AFG3L2: variants seen among roughly 807,000 people sequenced by gnomAD.
The protein encoded by AFG3L2 is mitochondrial inner membrane m-AAA protease component AFG3L2.
In AFG3L2, 54 loss-of-function variants were observed where a neutral mutation model predicts 94.5. That is an observed-to-expected ratio of 0.57 (90% CI 0.46 to 0.72). AFG3L2 has a LOEUF of 0.72. Ranked by LOEUF, AFG3L2 falls within the 30% of genes least tolerant of loss-of-function variation. The pLI, the probability that AFG3L2 is intolerant of heterozygous loss-of-function variation, is 0.00. For missense variants in AFG3L2, 754 were observed against 994.9 expected, an observed-to-expected ratio of 0.76 and a Z score of 3.26; for synonymous variants, 377 against 365.5, an observed-to-expected ratio of 1.03 and a Z score of -0.36.
In AFG3L2 at chr18:12,377,178, C is replaced by G. The variant is rs12327346; in HGVS notation, c.-96G>C. On this transcript the variant is annotated 5_prime_UTR_variant, in exon 1 of 17. Transcript: ENST00000269143. Reference sequence around the variant, plus strand: ...GAAGCGGGCTCGGCTCGGGGAAAGGCCGCCAGGCAGCGAAGCGCGCCGGCG... The same window carrying G: ...GAAGCGGGCTCGGCTCGGGGAAAGGGCGCCAGGCAGCGAAGCGCGCCGGCG... 60,116 of 992,402 alleles carry G rather than the reference C, an allele frequency of 0.061. 5,337 individuals are homozygous for G. The highest frequency in any genetic ancestry group is 0.36 in the African/African-American group (20,662 of 57,374). The allele number at this position is 992,402 out of a possible 1,614,324, so 61.5% of individuals were successfully genotyped here. A position where few individuals can be genotyped will look rare whatever the true frequency, so the allele number is the denominator to read the frequency against.
intron 9 of AFG3L2, among the ~76,000 whole-genome samples, chr18:12,355,473 T>A (rs774016838): frequency 2.0e-5 from 3 of 152,128 alleles, no homozygotes; most frequent in Admixed American, 2.0e-4. Context: ...ACATTGCTGG[T>A]AGGGATGGAA....
chr18:12,331,531 A>G (rs1907523950), intron 16 of AFG3L2, among the ~76,000 whole-genome samples: 1 of 152,180 alleles, frequency 6.6e-6, no homozygotes. Context: ...GGCCACGCGC[A>G]ATGGCTCACG....
chr18:12,332,123 A>AT (rs10689491), intron 16 of AFG3L2, among the ~76,000 whole-genome samples: 75,471 of 131,650 alleles, frequency 0.57, 22,350 homozygotes, highest in African/African-American at 0.62. Flanking sequence ...TCATAAAATG[A>AT]TTTTTTTTTT....
chr18:12,335,013 G>A (rs1297734622), intron 16 of AFG3L2, among the ~76,000 whole-genome samples: 1 of 152,194 alleles, frequency 6.6e-6, no homozygotes. Context: ...CTTGGAAACT[G>A]AGTTGCACAA....
rs1423275210 is a variant in AFG3L2, at chr18:12,353,141, G to T, written c.1182C>A (p.Ala394=). ...TGCAAGGGGCATTCTTCCGAGCAAG[G>T]GCAAATAAGTCTCGGACCTTGGCAA... ...VGPARVRDLF[A]LARKNAPCIL... The change falls in exon 10 of 17, where the codon GCC becomes GCA. Residue 394 remains alanine, a synonymous_variant. Coordinates refer to ENST00000269143, the MANE Select transcript of AFG3L2 (RefSeq NM_006796.3). 1.2e-6 allele frequency: 2 copies of T among 1,613,834 alleles called. No homozygotes were observed. Among genetic ancestry groups the T allele is most frequent in the African/African-American group, 2.7e-5 (2 of 74,874 alleles).
At chr18:12,347,555 T>TTA (rs1555671540) in intron 13 of AFG3L2, among the ~76,000 whole-genome samples, 1 of 4,472 alleles carries the variant, frequency 2.2e-4, no homozygotes, top group African/African-American at 3.9e-4. Context: ...ATTATTATTA[T>TTA]TTTTTTTTTT....
At chr18:12,362,157 T>G (rs973797738) in intron 6 of AFG3L2, among the ~76,000 whole-genome samples, 9 of 152,246 alleles carry the variant, frequency 5.9e-5, no homozygotes, top group Non-Finnish European at 7.3e-5. Context: ...CTATCTCATT[T>G]AAGCATTAAG....
intron 15 of AFG3L2, among the ~76,000 whole-genome samples, chr18:12,339,006 G>A (rs1361639448): frequency 1.3e-5 from 2 of 152,136 alleles, no homozygotes; most frequent in Non-Finnish European, 2.9e-5. Flanking sequence ...TGTAATCCCA[G>A]CACTTTGGCA....
intron 6 of AFG3L2, 24 bp downstream of exon 6, chr18:12,363,758 A>C: frequency 6.3e-7 from 1 of 1,582,346 alleles, no homozygotes; most frequent in Non-Finnish European, 8.7e-7. Context: ...CAACTAATTC[A>C]CATCAATTAA....
intron 13 of AFG3L2, among the ~76,000 whole-genome samples, chr18:12,347,242 C>T (rs1908169918): frequency 6.6e-6 from 1 of 152,254 alleles, no homozygotes; most frequent in South Asian, 2.1e-4. Flanking sequence ...CTTTCCAAAA[C>T]TGACCAGTTT....
At chr18:12,340,940 T>C (rs995588028) in intron 14 of AFG3L2, 1 of 152,266 alleles carries the variant, frequency 6.6e-6, no homozygotes. Flanking sequence ...TTTTTTTAAG[T>C]AAAAACAGGG....
chr18:12,358,829 G>A lies in AFG3L2; in HGVS notation c.867C>T (p.Phe289=), dbSNP rs748162809. 1.6e-4 allele frequency: 253 copies of A among 1,614,106 alleles called. No individual in the cohort carries two copies. Among genetic ancestry groups the A allele is most frequent in the Non-Finnish European group, 2.1e-4 (243 of 1,180,052 alleles). ...CCTTGGCAGTGGTTTCTCCGACACTGAAGAGTCCGCCCATCCCTCGGCCTG... is the reference window on the plus strand; with the variant it reads ...CCTTGGCAGTGGTTTCTCCGACACTAAAGAGTCCGCCCATCCCTCGGCCTG... ...GRTGRGMGGL[F]SVGETTAKVL... The change falls in exon 8 of 17, where the codon TTC becomes TTT. Residue 289 remains phenylalanine, a synonymous_variant. Coordinates refer to ENST00000269143, the MANE Select transcript of AFG3L2 (RefSeq NM_006796.3).
intron 16 of AFG3L2, among the ~76,000 whole-genome samples, chr18:12,334,150 C>T (rs1264852345): frequency 6.6e-6 from 1 of 152,200 alleles, no homozygotes; most frequent in Non-Finnish European, 1.5e-5. Context: ...AGGCCCTAGC[C>T]CCTCTCTTCT....
intron 16 of AFG3L2, among the ~76,000 whole-genome samples, chr18:12,330,153 T>A (rs1220638639): frequency 6.6e-6 from 1 of 151,842 alleles, no homozygotes; most frequent in African/African-American, 2.4e-5. Flanking sequence ...GGTGAAACCG[T>A]GTCTCTACTA....
In AFG3L2 at chr18:12,369,879, A is replaced by G. The variant is rs926459096; in HGVS notation, c.292+970T>C. 2.0e-5 allele frequency among the ~76,000 whole-genome samples: 3 copies of G among 146,918 alleles called. No individual in the cohort carries two copies. In the Admixed American group the frequency reaches 2.1e-4, roughly 10 times the overall value. On this transcript the variant is annotated intron_variant, in intron 3 of 16. Transcript: ENST00000269143. ...AGACCATCCTGGCTAACACAGCGAA[A>G]CCCCGTCTCTACTAAAAATACAAAA...
intron 3 of AFG3L2, among the ~76,000 whole-genome samples, chr18:12,370,586 T>G (rs1205739280): frequency 6.6e-6 from 1 of 151,160 alleles, no homozygotes; most frequent in African/African-American, 2.4e-5. Context: ...GCCTCCCAGG[T>G]AGCTGGGACT....
intron 5 of AFG3L2, 112 bp from the exon 6 acceptor site, chr18:12,363,968 G>A: frequency 1.1e-6 from 1 of 874,660 alleles, no homozygotes; most frequent in Non-Finnish European, 1.9e-6. Flanking sequence ...AAAGAATAAA[G>A]AATCAGATAA....
At chr18:12,376,250 G>A (rs1227425066) in intron 1 of AFG3L2, among the ~76,000 whole-genome samples, 1 of 152,222 alleles carries the variant, frequency 6.6e-6, no homozygotes, top group African/African-American at 2.4e-5. Flanking sequence ...GTGCAAGGCT[G>A]AGGAACCGTG....
At chr18:12,351,455 G>C (rs775783680) in intron 10 of AFG3L2, 42 bp from the exon 11 acceptor site, 3 of 1,563,984 alleles carry the variant, frequency 1.9e-6, no homozygotes, top group Non-Finnish European at 2.6e-6. Flanking sequence ...AATGACAAGA[G>C]GCAGAAAGCA....
Sources: allele counts gnomAD v4.1 joint callset (sites outside exome capture counted in the v4.1 genomes callset), GRCh38; gene constraint gnomAD v4.1.1; transcripts MANE v1.5; gene names NCBI Gene and HGNC (gene_info 2026-07-23, HGNC 2026-07-21).